Variants in TNRC6A observed in about 807,000 individuals in gnomAD.
TNRC6A encodes trinucleotide repeat containing adaptor 6A.
In TNRC6A, 44 loss-of-function variants were observed where a neutral mutation model predicts 221.2. The observed-to-expected ratio is 0.20, with a 90% CI of 0.16 to 0.26. The LOEUF (loss-of-function observed/expected upper bound fraction) is 0.26, where lower values mean the gene tolerates loss of function less well. Among genes scored for constraint, TNRC6A ranks in the 10% least tolerant of loss-of-function variants. The probability of loss-of-function intolerance (pLI) is 1.00; values close to 1 mark genes in which losing one functional copy is unlikely to be tolerated. For missense variants in TNRC6A, 2,199 were observed against 2,404.4 expected (o/e 0.91, Z 1.79); for synonymous variants, 847 against 838.5 (o/e 1.01, Z -0.18).
intron 17 of TNRC6A, among the ~76,000 whole-genome samples, 171 bp downstream of exon 17, chr16:24,806,955 C>T (rs1177931045): frequency 6.6e-6 from 1 of 151,978 alleles, no homozygotes; most frequent in Admixed American, 6.6e-5. Context: ...GCTCCACATT[C>T]AGGGAAGGTC....
At chr16:24,672,705 A>G (rs1191826815) in intron 2 of TNRC6A, among the ~76,000 whole-genome samples, 1 of 151,962 alleles carries the variant, frequency 6.6e-6, no homozygotes, top group Non-Finnish European at 1.5e-5. Flanking sequence ...CAACCTCCCA[A>G]AGTGCTAGGA....
At chr16:24,657,159 C>G (rs1463017133) in intron 2 of TNRC6A, among the ~76,000 whole-genome samples, 1 of 150,982 alleles carries the variant, frequency 6.6e-6, no homozygotes, top group Non-Finnish European at 1.5e-5. Flanking sequence ...ACAAAAAATA[C>G]AAAAATTAGC....
chr16:24,817,836 T>C (rs1175383782), intron 20 of TNRC6A, among the ~76,000 whole-genome samples: 3 of 152,104 alleles, frequency 2.0e-5, no homozygotes, highest in African/African-American at 7.2e-5. Flanking sequence ...CTCTGCCCGC[T>C]ATGGGAACAC....
At chr16:24,704,738 T>C (rs151298209) in intron 2 of TNRC6A, among the ~76,000 whole-genome samples, 39 of 149,814 alleles carry the variant, frequency 2.6e-4, no homozygotes, top group Admixed American at 6.0e-4. Flanking sequence ...AGGGGGTATA[T>C]TATTTACGTA....
chr16:24,653,604 T>C (rs2141858988), intron 2 of TNRC6A, among the ~76,000 whole-genome samples: 1 of 152,112 alleles, frequency 6.6e-6, no homozygotes, highest in East Asian at 1.9e-4. Flanking sequence ...GGTGAAACCC[T>C]GTCTCTACTA....
chr16:24,702,179 T>C (rs1210935314), intron 2 of TNRC6A, among the ~76,000 whole-genome samples: 6 of 94,096 alleles, frequency 6.4e-5, no homozygotes, highest in Admixed American at 1.2e-4. Flanking sequence ...TTTTTTCTTT[T>C]TTCTTTTTTT....
At position 24,823,367 on chromosome 16, in the gene TNRC6A, T is replaced by C; in HGVS notation, c.5514-65T>C. The C allele has an allele frequency of 6.5e-7, 1 of 1,537,380 alleles. No homozygotes were observed. Among genetic ancestry groups the C allele is most frequent in the Non-Finnish European group, 8.8e-7 (1 of 1,141,544 alleles). ...TAGCAGAGACAAGTTGCACCCTCAC[T>C]TGTGAGTGAATGAAGCCCTCCTGGT... On this transcript the variant is annotated intron_variant, in intron 24 of 24. Transcript: ENST00000395799. This position sits in a 1 kb window ranked among gnomAD's most constrained non-coding sequence, Gnocchi z 4.3.
chr16:24,641,361 A>G (rs548695946), intron 2 of TNRC6A, among the ~76,000 whole-genome samples: 1 of 152,270 alleles, frequency 6.6e-6, no homozygotes, highest in East Asian at 1.9e-4. Flanking sequence ...GGCCACTTGC[A>G]GAGGATGTGT....
At chr16:24,654,480 G>A (rs927135027) in intron 2 of TNRC6A, among the ~76,000 whole-genome samples, 5 of 152,040 alleles carry the variant, frequency 3.3e-5, no homozygotes, top group African/African-American at 1.2e-4. Context: ...CAAGGCGGGC[G>A]GATCACCTGA....
intron 5 of TNRC6A, among the ~76,000 whole-genome samples, chr16:24,784,568 C>T (rs191558420): frequency 2.9e-4 from 44 of 152,306 alleles, no homozygotes; most frequent in Non-Finnish European, 4.4e-4. Context: ...CCAATATTCC[C>T]GCCTTGGCCT....
intron 2 of TNRC6A, among the ~76,000 whole-genome samples, chr16:24,703,914 C>T (rs1338217085): frequency 1.3e-5 from 2 of 151,566 alleles, no homozygotes; most frequent in East Asian, 2.0e-4. Flanking sequence ...CGAAACCCCA[C>T]CTCTACAAAA....
intron 7 of TNRC6A, among the ~76,000 whole-genome samples, chr16:24,793,978 AGCC>A (rs2058166289): frequency 1.3e-5 from 2 of 152,202 alleles, no homozygotes; most frequent in Non-Finnish European, 2.9e-5. Context: ...CAACTAGTGT[AGCC>A]ATGAGGACAC....
intron 4 of TNRC6A, among the ~76,000 whole-genome samples, chr16:24,775,409 C>T (rs1471430421): frequency 6.6e-6 from 1 of 151,594 alleles, no homozygotes; most frequent in Non-Finnish European, 1.5e-5. Flanking sequence ...AAAAAAGAGG[C>T]TAAGATCATA....
At chr16:24,639,182 G>T (rs1379956845) in intron 1 of TNRC6A, among the ~76,000 whole-genome samples, 1 of 152,132 alleles carries the variant, frequency 6.6e-6, no homozygotes, top group Non-Finnish European at 1.5e-5. Context: ...GTGAATGTTT[G>T]TCATAGAAGA....
At chr16:24,796,728 A>C (rs897055461) in intron 9 of TNRC6A, among the ~76,000 whole-genome samples, 4 of 115,350 alleles carry the variant, frequency 3.5e-5, no homozygotes, top group Non-Finnish European at 7.2e-5. Context: ...AATGGACAGT[A>C]GCAATGGGAA....
intron 2 of TNRC6A, among the ~76,000 whole-genome samples, chr16:24,688,699 G>A (rs2055691122): frequency 6.6e-6 from 1 of 152,184 alleles, no homozygotes. Context: ...TCCCCTTCTG[G>A]AGATTCCTGA....
chr16:24,754,576 G>T (rs1185147545), intron 3 of TNRC6A, among the ~76,000 whole-genome samples: 2 of 152,106 alleles, frequency 1.3e-5, no homozygotes, highest in Non-Finnish European at 2.9e-5. Context: ...AAAAAAGGAG[G>T]GGGGTGACAG....
chr16:24,823,336 C>G lies in TNRC6A; in HGVS notation c.5514-96C>G. 2.1e-6 allele frequency: 3 copies of G among 1,463,384 alleles called. No individual in the cohort carries two copies. In the South Asian group the frequency reaches 4.0e-5, roughly 19 times the overall value. The allele number at this position is 1,463,384 out of a possible 1,614,324, so 90.6% of individuals were successfully genotyped here. On this transcript the variant is annotated intron_variant, in intron 24 of 24. Coordinates refer to ENST00000395799, the MANE Select transcript of TNRC6A (RefSeq NM_014494.4). This position sits in a 1 kb window ranked among gnomAD's most constrained non-coding sequence, Gnocchi z 4.3. ...GTCTCTCCCTCTGTGCCTTCTGTGG[C>G]TTTTCTAGCAGAGACAAGTTGCACC... is the stretch of plus-strand genomic sequence containing the variant.
At chr16:24,779,209 A>G (rs547788717) in intron 5 of TNRC6A, among the ~76,000 whole-genome samples, 5 of 152,296 alleles carry the variant, frequency 3.3e-5, no homozygotes, top group South Asian at 4.1e-4. Flanking sequence ...CGTCATGCCT[A>G]TTTCTAAAAG....
Sources: allele counts gnomAD v4.1 joint callset (sites outside exome capture counted in the v4.1 genomes callset), GRCh38; gene constraint gnomAD v4.1.1; non-coding constraint Gnocchi (gnomAD v3.1); transcripts MANE v1.5; gene names NCBI Gene and HGNC (gene_info 2026-07-23, HGNC 2026-07-21).